PRLR: variants seen among roughly 807,000 people sequenced by gnomAD.
The protein encoded by PRLR is prolactin receptor, also known as hPRL receptor.
Under a neutral mutation model 40.2 loss-of-function variants are expected in PRLR, and 13 were observed. The observed-to-expected ratio is 0.32, with a 90% CI of 0.21 to 0.51. The LOEUF is 0.51. Ranked by LOEUF, PRLR falls within the 20% of genes least tolerant of loss-of-function variation. PRLR has a pLI of 0.97. For synonymous variants in PRLR, 269 were observed against 278.7 expected (o/e 0.97, Z 0.35); for missense variants, 656 against 747.3 (o/e 0.88, Z 1.42).
At chr5:35,137,361 C>T (rs928033439) in intron 1 of PRLR, among the ~76,000 whole-genome samples, 6 of 152,044 alleles carry the variant, frequency 3.9e-5, no homozygotes, top group African/African-American at 1.4e-4. Context: ...TATAGAAAAT[C>T]TCATGGAGGA....
At chr5:35,080,551 G>A (rs1188951883) in intron 5 of PRLR, among the ~76,000 whole-genome samples, 5 of 152,156 alleles carry the variant, frequency 3.3e-5, no homozygotes, top group East Asian at 1.9e-4. Flanking sequence ...AACAGGTGCC[G>A]GAGAGGATGT....
At chr5:35,184,749 A>G (rs761936854) in intron 1 of PRLR, among the ~76,000 whole-genome samples, 1 of 152,218 alleles carries the variant, frequency 6.6e-6, no homozygotes, top group East Asian at 1.9e-4. Flanking sequence ...GCTGTAGGTA[A>G]GATGAGGTGG....
chr5:35,089,474 A>G (rs879940832), intron 3 of PRLR, 77 bp downstream of exon 3: 2 of 969,820 alleles, frequency 2.1e-6, no homozygotes, highest in South Asian at 1.4e-5. Flanking sequence ...TGGCATTGCA[A>G]GAAGACTGCA....
intron 1 of PRLR, among the ~76,000 whole-genome samples, chr5:35,172,083 A>G (rs959383511): frequency 1.6e-4 from 24 of 152,214 alleles, no homozygotes; most frequent in South Asian, 2.1e-4. Context: ...TGCAAGCTAC[A>G]TGGTTTCAGA....
At chr5:35,219,639 C>A (rs769865605) in intron 1 of PRLR, among the ~76,000 whole-genome samples, 2 of 152,084 alleles carry the variant, frequency 1.3e-5, no homozygotes, top group Non-Finnish European at 2.9e-5. Flanking sequence ...ACTAGTAATG[C>A]GAATGTGACC....
chr5:35,111,918 A>C (rs1355761036), intron 2 of PRLR, among the ~76,000 whole-genome samples: 1 of 152,230 alleles, frequency 6.6e-6, no homozygotes, highest in Admixed American at 6.5e-5. Flanking sequence ...AGCTATTACT[A>C]TCGTAATCGA....
intron 1 of PRLR, chr5:35,195,425 CA>C: frequency 6.6e-6 from 1 of 152,384 alleles, no homozygotes; most frequent in East Asian, 1.9e-4. Flanking sequence ...CCCATAAGAC[CA>C]TTTTTACCAC....
At chr5:35,109,018 A>G (rs139256505) in intron 2 of PRLR, among the ~76,000 whole-genome samples, 8,463 of 152,194 alleles carry the variant, frequency 0.056, 559 homozygotes, top group East Asian at 0.18. Context: ...CCAAAACAGA[A>G]ATACAGACCA....
chr5:35,049,193 A>G, exon 9 of PRLR: 2 of 701,122 alleles, frequency 2.9e-6, no homozygotes, highest in South Asian at 3.0e-5. Flanking sequence ...GCCAGTGGAC[A>G]CACAGCATCT....
intron 2 of PRLR, among the ~76,000 whole-genome samples, chr5:35,092,281 T>G (rs1771261135): frequency 6.6e-6 from 1 of 152,166 alleles, no homozygotes; most frequent in Admixed American, 6.5e-5. Flanking sequence ...GCCAGGGAAT[T>G]AGACATACTC....
intron 8 of PRLR, chr5:35,049,481 T>C: frequency 1.5e-6 from 1 of 655,214 alleles, no homozygotes; most frequent in South Asian, 1.7e-5. Flanking sequence ...ACCTCTTTTA[T>C]TTAAAAAGAA....
intron 1 of PRLR, among the ~76,000 whole-genome samples, chr5:35,180,588 C>CTT (rs896948947): frequency 1.3e-5 from 2 of 150,162 alleles, no homozygotes; most frequent in African/African-American, 4.9e-5. Context: ...CTTTTCCCCC[C>CTT]TTTTTTTTTT....
intron 8 of PRLR, among the ~76,000 whole-genome samples, chr5:35,050,524 A>G (rs964932752): frequency 6.6e-6 from 1 of 152,242 alleles, no homozygotes; most frequent in East Asian, 1.9e-4. Flanking sequence ...CAAATGGTAA[A>G]TAGCAGGGGA....
chr5:35,063,859 G>T lies in PRLR; in HGVS notation c.*1230C>A, dbSNP rs1769188393. On this transcript the variant is annotated 3_prime_UTR_variant, in exon 10 of 10. Coordinates refer to ENST00000618457, the MANE Select transcript of PRLR (RefSeq NM_000949.7). ...GAAACTCAAAGGAGAAATAATTTCT[G>T]GTCTGTGGAGAATCCTAAATCCCTA... The T allele has an allele frequency of 6.6e-6, 1 of 152,142 alleles. No individual in the cohort carries two copies. The highest frequency in any genetic ancestry group is 6.6e-5 in the Admixed American group (1 of 15,252). 9.4% of individuals were successfully genotyped at this position (152,142 alleles called of 1,614,324 possible).
chr5:35,070,904 T>C (rs1235677926), intron 6 of PRLR, among the ~76,000 whole-genome samples: 1 of 144,742 alleles, frequency 6.9e-6, no homozygotes, highest in Non-Finnish European at 1.5e-5. Context: ...TAAACCCTAA[T>C]GAAATAACTG....
intron 2 of PRLR, among the ~76,000 whole-genome samples, chr5:35,094,035 C>G (rs990611343): frequency 1.3e-5 from 2 of 152,170 alleles, no homozygotes; most frequent in Non-Finnish European, 2.9e-5. Context: ...TTTCTCAGAA[C>G]TTAGCCCTAT....
At chr5:35,176,048 TAAAC>T (rs1416870280) in intron 1 of PRLR, among the ~76,000 whole-genome samples, 2 of 152,224 alleles carry the variant, frequency 1.3e-5, no homozygotes, top group African/African-American at 2.4e-5. Flanking sequence ...TAGATGTAAA[TAAAC>T]ATATACACAC....
intron 1 of PRLR, among the ~76,000 whole-genome samples, chr5:35,220,235 CG>C (rs772645201): frequency 2.1e-4 from 32 of 152,182 alleles, no homozygotes; most frequent in Non-Finnish European, 2.6e-4. Flanking sequence ...CCCATGACCT[CG>C]GGCCCTCCTT....
intron 1 of PRLR, among the ~76,000 whole-genome samples, chr5:35,137,773 A>G (rs1371721599): frequency 1.3e-5 from 2 of 152,192 alleles, no homozygotes. Context: ...CCAGGAGGAA[A>G]CATTCTTAAA....
Sources: gnomAD v4.1 joint callset for allele counts (sites outside exome capture counted in the v4.1 genomes callset) on GRCh38, gnomAD v4.1.1 for gene constraint, MANE v1.5 for transcripts, NCBI Gene and HGNC (gene_info 2026-07-23, HGNC 2026-07-21) for gene names.